RNF34: variants seen among roughly 807,000 people sequenced by gnomAD.
RNF34 encodes the protein E3 ubiquitin-protein ligase RNF34.
Under a neutral mutation model 37.9 loss-of-function variants are expected in RNF34, and 12 were observed. That is an observed-to-expected ratio of 0.32 (90% CI 0.20 to 0.51). The LOEUF (loss-of-function observed/expected upper bound fraction) is 0.51, where lower values mean the gene tolerates loss of function less well. RNF34 is among the 20% of genes least tolerant of loss of function. The probability of loss-of-function intolerance (pLI) is 0.97; values close to 1 mark genes in which losing one functional copy is unlikely to be tolerated. For synonymous variants in RNF34, 155 were observed against 177.2 expected (o/e 0.87, Z 1.00); for missense variants, 362 against 472.7 (o/e 0.77, Z 2.17).
At chr12:121,411,701 C>T (rs1438293911) in intron 1 of RNF34, among the ~76,000 whole-genome samples, 2 of 152,150 alleles carry the variant, frequency 1.3e-5, no homozygotes, top group East Asian at 3.8e-4. Flanking sequence ...TACACAGTTA[C>T]TTGTCAGTCA....
intron 3 of RNF34, 119 bp from the exon 4 acceptor site, chr12:121,420,123 C>T: frequency 1.1e-6 from 1 of 900,538 alleles, no homozygotes; most frequent in Non-Finnish European, 1.7e-6. Context: ...CATTCTGAAT[C>T]CAAAGATGTG....
chr12:121,415,880 A>G (rs1593668112), intron 1 of RNF34, among the ~76,000 whole-genome samples: 2 of 102,006 alleles, frequency 2.0e-5, no homozygotes, highest in Admixed American at 2.6e-4. Flanking sequence ...GTGTACATGT[A>G]TCTGTTTTGG....
intron 1 of RNF34, among the ~76,000 whole-genome samples, chr12:121,414,049 G>C (rs782317245): frequency 2.6e-5 from 4 of 152,174 alleles, no homozygotes; most frequent in Non-Finnish European, 4.4e-5. Flanking sequence ...AGCAGAAACA[G>C]CCATTATCCT....
At position 121,420,275 on chromosome 12, in the gene RNF34, G is replaced by A. The variant is rs1352582585; in HGVS notation, c.667G>A (p.Asp223Asn). The A allele has an allele frequency of 6.3e-7, 1 of 1,583,228 alleles. No individual in the cohort carries two copies. Among genetic ancestry groups the A allele is most frequent in the Non-Finnish European group, 8.5e-7 (1 of 1,172,406 alleles). ...TGAAATCACTTCAGCAAACACAGAA[G>A]ATGATGATGACGACGATGATGAGGA... ...QSEITSANTEDDDDDDDEDDD... is the reference protein window; with the variant it reads ...QSEITSANTENDDDDDDEDDD... Residue 223 changes from aspartate to asparagine, a missense_variant, in exon 4 of 6, where the codon GAT (aspartate) becomes AAT (asparagine). Coordinates refer to ENST00000361234, the MANE Select transcript of RNF34 (RefSeq NM_025126.4).
chr12:121,414,960 G>C (rs1014054483), intron 1 of RNF34, among the ~76,000 whole-genome samples: 35 of 152,218 alleles, frequency 2.3e-4, no homozygotes, highest in African/African-American at 7.2e-4. Context: ...GCTGGGCATG[G>C]TGGCGGATGC....
rs1046663768 is a variant in RNF34 at position 121,417,665 on chromosome 12, G to T, written c.387G>T (p.Leu129=). 6.2e-7 allele frequency: 1 copy of T among 1,614,180 alleles called. No homozygotes were observed. The highest frequency in any genetic ancestry group is 1.1e-5 in the South Asian group (1 of 91,082). ...KVKDLRQYLI[L]RNIPIDTCRE... is the part of the protein sequence containing the mutation. ...AGGACCTGCGGCAGTATCTCATTCTGAGAAATATACCCATAGATACTTGTC... is the reference window on the plus strand; with the variant it reads ...AGGACCTGCGGCAGTATCTCATTCTTAGAAATATACCCATAGATACTTGTC... The change falls in exon 3 of 6, where the codon CTG becomes CTT. Residue 129 remains leucine, a synonymous_variant. Transcript: ENST00000361234. The surrounding 1 kb of genome is among the most constrained non-coding windows in gnomAD (Gnocchi z 5.0).
At chr12:121,407,662 G>A (rs1870676461) in intron 1 of RNF34, among the ~76,000 whole-genome samples, 1 of 152,156 alleles carries the variant, frequency 6.6e-6, no homozygotes, top group Admixed American at 6.5e-5. Context: ...AGCAATGAAT[G>A]AATAAAAGAA....
chr12:121,415,262 C>T (rs1555281967), intron 1 of RNF34: 1 of 299,668 alleles, frequency 3.3e-6, no homozygotes, highest in Non-Finnish European at 7.4e-6. Context: ...AAATTATTTA[C>T]ATATGCTATA....
At chr12:121,411,619 T>C (rs1871072230) in intron 1 of RNF34, among the ~76,000 whole-genome samples, 1 of 152,210 alleles carries the variant, frequency 6.6e-6, no homozygotes, top group South Asian at 2.1e-4. Context: ...AGAAAACATA[T>C]TTTGAACTTT....
Position 121,417,540 on chromosome 12 carries a change from G to A in RNF34, c.262G>A (p.Val88Ile), listed in dbSNP as rs141105657. 6.0e-5 allele frequency: 97 copies of A among 1,613,116 alleles called. No homozygotes were observed. The highest frequency in any genetic ancestry group is 7.6e-5 in the Non-Finnish European group (90 of 1,179,626). The stretch of plus-strand genomic sequence containing the variant: ...TGACTGCAAGAAGGATTTTTGCTCC[G>A]TTTGTTCAGTCTTACAAGAAAATCT... ...CCDCKKDFCSVCSVLQENLRR... is the reference protein window; with the variant it reads ...CCDCKKDFCSICSVLQENLRR... The change falls in exon 3 of 6, where the codon GTT (valine) becomes ATT (isoleucine). Residue 88 changes from valine (V) to isoleucine (I), a missense_variant. By Grantham distance (29) the Val-to-Ile change is conservative. Coordinates refer to ENST00000361234, the MANE Select transcript of RNF34 (RefSeq NM_025126.4). The surrounding 1 kb of genome is among the most constrained non-coding windows in gnomAD (Gnocchi z 5.0).
chr12:121,415,248 TA>T (rs1471321261), intron 1 of RNF34: 25 of 287,082 alleles, frequency 8.7e-5, no homozygotes, highest in African/African-American at 3.7e-4. Flanking sequence ...CCAAGTCATT[TA>T]AAAAATTATT....
chr12:121,420,154 C>A, intron 3 of RNF34, 88 bp from the exon 4 acceptor site: 1 of 1,204,764 alleles, frequency 8.3e-7, no homozygotes, highest in South Asian at 1.3e-5. Flanking sequence ...GCTTTCTGGT[C>A]ATCATGGGGA....
chr12:121,420,412 A>G, intron 4 of RNF34, 78 bp downstream of exon 4: 1 of 1,552,424 alleles, frequency 6.4e-7, no homozygotes, highest in South Asian at 1.2e-5. Flanking sequence ...GACATTCGCT[A>G]GATTAGTACA....
At chr12:121,421,582 G>A (rs1456628093) in intron 5 of RNF34, among the ~76,000 whole-genome samples, 1 of 151,980 alleles carries the variant, frequency 6.6e-6, no homozygotes, top group African/African-American at 2.4e-5. Flanking sequence ...ATACATTGAT[G>A]AAATTTGGCA....
At chr12:121,422,149 G>A (rs1438635764) in intron 5 of RNF34, among the ~76,000 whole-genome samples, 6 of 152,154 alleles carry the variant, frequency 3.9e-5, no homozygotes, top group Non-Finnish European at 8.8e-5. Flanking sequence ...AGTACTTTGC[G>A]GCGTAGGATA....
rs1427931107 is a variant in RNF34, at chr12:121,417,207, GCT to G, written c.226-294_226-293del. ...CTGCTTTCTGCTCTGTGTGGTTCAAGCTCTGTTTTGTTAATTACATGTTTATA... is the reference window on the plus strand; with the variant it reads ...CTGCTTTCTGCTCTGTGTGGTTCAAGCTGTTTTGTTAATTACATGTTTATA... On this transcript the variant is annotated intron_variant, in intron 2 of 5. Transcript: ENST00000361234. This position sits in a 1 kb window ranked among gnomAD's most constrained non-coding sequence, Gnocchi z 5.0. Among the ~76,000 whole-genome samples, 1 of 152,216 alleles carries G rather than the reference GCT, an allele frequency of 6.6e-6. No homozygotes were observed. Among genetic ancestry groups the G allele is most frequent in the Non-Finnish European group, 1.5e-5 (1 of 68,030 alleles).
chr12:121,400,374 A>G (rs889891004), intron 1 of RNF34, among the ~76,000 whole-genome samples, 156 bp downstream of exon 1: 3 of 152,090 alleles, frequency 2.0e-5, no homozygotes, highest in African/African-American at 7.2e-5. Context: ...AGGTGCCCCA[A>G]CCGAGCCAGG....
chr12:121,412,433 T>C (rs556657886), intron 1 of RNF34, among the ~76,000 whole-genome samples: 15 of 151,582 alleles, frequency 9.9e-5, no homozygotes, highest in African/African-American at 3.6e-4. Context: ...TTAGTAGAGA[T>C]GGGGTTTCAC....
intron 5 of RNF34, among the ~76,000 whole-genome samples, chr12:121,422,813 A>G (rs1365426345): frequency 3.3e-5 from 5 of 152,200 alleles, no homozygotes; most frequent in Non-Finnish European, 7.4e-5. Flanking sequence ...AGGACGGCCC[A>G]TCTCTTTCAA....
Sources: allele counts gnomAD v4.1 joint callset (sites outside exome capture counted in the v4.1 genomes callset), GRCh38; gene constraint gnomAD v4.1.1; non-coding constraint Gnocchi (gnomAD v3.1); transcripts MANE v1.5; gene names NCBI Gene and HGNC (gene_info 2026-07-23, HGNC 2026-07-21).